KAT6B: variants seen among roughly 807,000 people sequenced by gnomAD.
KAT6B encodes the protein histone acetyltransferase KAT6B.
KAT6B carries 10 observed loss-of-function variants against 187.5 expected under a neutral mutation model. The ratio of observed to expected loss-of-function variants is 0.05; its 90% CI spans 0.03 to 0.09. The LOEUF (loss-of-function observed/expected upper bound fraction) is 0.09, where lower values mean the gene tolerates loss of function less well. Ranked by LOEUF, KAT6B falls within the 10% of genes least tolerant of loss-of-function variation. The pLI is 1.00. For missense variants in KAT6B, 1,952 were observed against 2,558.9 expected (o/e 0.76, Z 5.12); for synonymous variants, 861 against 926.8 (o/e 0.93, Z 1.29).
chr10:74,931,545 T>C (rs1291789784), intron 3 of KAT6B, among the ~76,000 whole-genome samples: 1 of 152,210 alleles, frequency 6.6e-6, no homozygotes, highest in Non-Finnish European at 1.5e-5. Flanking sequence ...GCCACTCATA[T>C]AATAAGTGTT....
chr10:74,844,801 G>T (rs1042166344), intron 3 of KAT6B, among the ~76,000 whole-genome samples: 2 of 152,232 alleles, frequency 1.3e-5, no homozygotes, highest in Non-Finnish European at 2.9e-5. Context: ...TAGAGCAGCA[G>T]AAAGTTATTT....
chr10:75,024,392 C>T lies in KAT6B; in HGVS notation c.3373-566C>T, dbSNP rs72803452. On this transcript the variant is annotated intron_variant, in intron 16 of 17. Coordinates refer to ENST00000287239, the MANE Select transcript of KAT6B (RefSeq NM_012330.4). ...AGCCACCAATACTTGACTTTGTTAA[C>T]ATTTTAAACAGTAATCCTTTCTTCA... 9.8e-3 allele frequency: 1,508 copies of T among 154,312 alleles called. 8 individuals are homozygous for T. The highest frequency in any genetic ancestry group is 0.02 in the Middle Eastern group (6 of 294). The allele number at this position is 154,312 out of a possible 1,614,324, so 9.6% of individuals were successfully genotyped here.
intron 3 of KAT6B, among the ~76,000 whole-genome samples, chr10:74,891,591 G>A (rs1314692009): frequency 6.6e-6 from 1 of 152,148 alleles, no homozygotes; most frequent in Non-Finnish European, 1.5e-5. Flanking sequence ...TTTAAGCATG[G>A]CAGTTAACAT....
At chr10:74,976,612 G>A (rs1303493959) in intron 8 of KAT6B, 9 of 485,720 alleles carry the variant, frequency 1.9e-5, no homozygotes, top group Non-Finnish European at 2.3e-5. Context: ...CATTGCTTAT[G>A]GCTTTGTAGT....
intron 13 of KAT6B, among the ~76,000 whole-genome samples, chr10:75,008,437 A>T (rs1844375726): frequency 6.6e-6 from 1 of 152,214 alleles, no homozygotes; most frequent in Non-Finnish European, 1.5e-5. Context: ...GGCTACGATG[A>T]CTTAAAATGT....
At chr10:74,873,144 A>G (rs1589521126) in intron 3 of KAT6B, among the ~76,000 whole-genome samples, 1 of 152,092 alleles carries the variant, frequency 6.6e-6, no homozygotes, top group African/African-American at 2.4e-5. Context: ...CAACTTTTCT[A>G]TAGGTTTGAA....
chr10:74,889,141 C>T (rs993806996), intron 3 of KAT6B, among the ~76,000 whole-genome samples: 18 of 151,948 alleles, frequency 1.2e-4, no homozygotes, highest in Non-Finnish European at 1.9e-4. Context: ...AGACATGGGA[C>T]GAGATTGAGG....
chr10:74,828,530 A>G (rs1840451900), intron 1 of KAT6B, among the ~76,000 whole-genome samples: 1 of 151,118 alleles, frequency 6.6e-6, no homozygotes. Context: ...GCCTTGAAAT[A>G]AAACACTCCA....
intron 3 of KAT6B, among the ~76,000 whole-genome samples, chr10:74,856,133 T>A (rs1842805852): frequency 6.6e-6 from 1 of 152,192 alleles, no homozygotes; most frequent in South Asian, 2.1e-4. Flanking sequence ...TTGCCCAGGC[T>A]GGGGTGCAGT....
At chr10:74,903,296 T>G (rs2132795952) in intron 3 of KAT6B, among the ~76,000 whole-genome samples, 1 of 152,326 alleles carries the variant, frequency 6.6e-6, no homozygotes, top group Middle Eastern at 3.4e-3. Context: ...TATGCATGTT[T>G]GAGATATCAC....
intron 13 of KAT6B, among the ~76,000 whole-genome samples, chr10:75,018,883 C>G (rs951577412): frequency 3.9e-5 from 6 of 152,140 alleles, no homozygotes; most frequent in South Asian, 2.1e-4. Context: ...TTCTCACCCC[C>G]CCAGGAGTAC....
intron 13 of KAT6B, among the ~76,000 whole-genome samples, chr10:75,001,973 C>A (rs2133975104): frequency 6.6e-6 from 1 of 152,286 alleles, no homozygotes; most frequent in South Asian, 2.1e-4. Context: ...CCTCAAGGCC[C>A]TGGTGAGAAA....
chr10:74,997,085 G>A (rs1037511177), intron 13 of KAT6B, among the ~76,000 whole-genome samples: 1 of 152,016 alleles, frequency 6.6e-6, no homozygotes, highest in Non-Finnish European at 1.5e-5. Flanking sequence ...CAGAGGATCA[G>A]CTATGGTGGC....
chr10:74,831,763 C>T (rs754136618), intron 1 of KAT6B, among the ~76,000 whole-genome samples: 6 of 152,188 alleles, frequency 3.9e-5, no homozygotes, highest in Non-Finnish European at 8.8e-5. Context: ...TATTTGTTAT[C>T]TCAGTGATTC....
At chr10:74,930,448 C>A (rs778123357) in intron 3 of KAT6B, among the ~76,000 whole-genome samples, 2 of 152,164 alleles carry the variant, frequency 1.3e-5, no homozygotes, top group Non-Finnish European at 2.9e-5. Context: ...TTTTGACTCA[C>A]ATAGACTTAG....
At chr10:74,936,705 C>G (rs994933009) in intron 3 of KAT6B, among the ~76,000 whole-genome samples, 1 of 152,074 alleles carries the variant, frequency 6.6e-6, no homozygotes. Context: ...ATTGGAGCAT[C>G]CAGGAGTGTG....
At chr10:74,855,346 A>G (rs1367014108) in intron 3 of KAT6B, among the ~76,000 whole-genome samples, 1 of 152,202 alleles carries the variant, frequency 6.6e-6, no homozygotes, top group Non-Finnish European at 1.5e-5. Context: ...TTTTTGTCCA[A>G]GGTTTCCCTG....
At chr10:74,882,551 A>G (rs1478858348) in intron 3 of KAT6B, among the ~76,000 whole-genome samples, 1 of 152,266 alleles carries the variant, frequency 6.6e-6, no homozygotes. Context: ...TAATTTGGAA[A>G]TAAACCTTTC....
At chr10:74,905,940 C>T (rs1017450669) in intron 3 of KAT6B, among the ~76,000 whole-genome samples, 1 of 152,128 alleles carries the variant, frequency 6.6e-6, no homozygotes, top group Non-Finnish European at 1.5e-5. Context: ...GCCCTTCTCA[C>T]ATTTCGGCTG....
Sources: gnomAD v4.1 joint callset for allele counts (sites outside exome capture counted in the v4.1 genomes callset) on GRCh38, gnomAD v4.1.1 for gene constraint, MANE v1.5 for transcripts, NCBI Gene and HGNC (gene_info 2026-07-23, HGNC 2026-07-21) for gene names.